The following MORC1 variants were observed in gnomAD, a reference collection of about 807,000 sequenced individuals.
MORC1 encodes MORC family CW-type zinc finger 1, also known as MORC family CW-type zinc finger protein 1.
A neutral mutation model predicts 134.9 loss-of-function variants in MORC1; 59 were observed. That is an observed-to-expected ratio of 0.44 (90% CI 0.35 to 0.54). The LOEUF (loss-of-function observed/expected upper bound fraction) is 0.54. MORC1 is among the 20% of genes least tolerant of loss of function. MORC1 has a pLI of 0.00. For missense variants in MORC1, 947 were observed against 1,134.5 expected (o/e 0.83, Z 2.37); for synonymous variants, 395 against 391.7 (o/e 1.01, Z -0.10).
At chr3:108,989,378 A>G (rs1385425258) in intron 21 of MORC1, among the ~76,000 whole-genome samples, 1 of 152,220 alleles carries the variant, frequency 6.6e-6, no homozygotes, top group Non-Finnish European at 1.5e-5. Flanking sequence ...CTTAACATAG[A>G]GTTTAAGACA....
intron 24 of MORC1, among the ~76,000 whole-genome samples, chr3:108,975,675 ATTGT>A: frequency 6.6e-6 from 1 of 152,136 alleles, no homozygotes; most frequent in African/African-American, 2.4e-5. Context: ...TATTTATAGG[ATTGT>A]TGTAAGATGA....
intron 16 of MORC1, among the ~76,000 whole-genome samples, chr3:109,030,895 T>C (rs1949226757): frequency 2.0e-5 from 3 of 152,194 alleles, no homozygotes; most frequent in African/African-American, 7.2e-5. Flanking sequence ...TACCTCTATT[T>C]ACCCCGATGT....
chr3:108,970,846 G>A (rs1252282188), intron 25 of MORC1, among the ~76,000 whole-genome samples: 1 of 152,218 alleles, frequency 6.6e-6, no homozygotes, highest in Non-Finnish European at 1.5e-5. Flanking sequence ...ACCCCAAGCA[G>A]CTGTTCAAAG....
intron 9 of MORC1, among the ~76,000 whole-genome samples, chr3:109,064,882 C>T (rs1340881684): frequency 6.6e-6 from 1 of 151,992 alleles, no homozygotes; most frequent in Non-Finnish European, 1.5e-5. Context: ...AAGAGAACTC[C>T]AGCCACCATT....
intron 20 of MORC1, among the ~76,000 whole-genome samples, chr3:109,003,829 T>C (rs1377612228): frequency 6.6e-6 from 1 of 152,092 alleles, no homozygotes; most frequent in Non-Finnish European, 1.5e-5. Flanking sequence ...GGACTTGAAA[T>C]ACTTTAAGAG....
intron 20 of MORC1, among the ~76,000 whole-genome samples, chr3:109,003,357 T>C (rs1948454666): frequency 6.6e-6 from 1 of 150,896 alleles, no homozygotes. Flanking sequence ...TGTGTGTATA[T>C]TGCTTCACAT....
intron 14 of MORC1, among the ~76,000 whole-genome samples, chr3:109,040,120 A>AC (rs1374404571): frequency 6.6e-6 from 1 of 151,698 alleles, no homozygotes; most frequent in African/African-American, 2.4e-5. Flanking sequence ...ACAACAAAAA[A>AC]CAGTAAGTCT....
intron 8 of MORC1, among the ~76,000 whole-genome samples, chr3:109,072,664 G>A (rs565853170): frequency 4.0e-4 from 61 of 152,254 alleles, no homozygotes; most frequent in African/African-American, 1.4e-3. Flanking sequence ...AAATAAAGCC[G>A]TCCACTTAGG....
At chr3:109,052,480 C>G (rs748336242) in intron 14 of MORC1, among the ~76,000 whole-genome samples, 1 of 152,094 alleles carries the variant, frequency 6.6e-6, no homozygotes. Flanking sequence ...TATTAGTGCA[C>G]AGAACACACT....
intron 8 of MORC1, among the ~76,000 whole-genome samples, chr3:109,078,368 C>T (rs1176997396): frequency 6.6e-6 from 1 of 151,840 alleles, no homozygotes; most frequent in East Asian, 1.9e-4. Context: ...ACAATTAGAG[C>T]AACAATAAAA....
intron 3 of MORC1, among the ~76,000 whole-genome samples, chr3:109,108,044 A>C (rs144789731): frequency 0.017 from 2,540 of 152,188 alleles, 68 homozygotes; most frequent in African/African-American, 0.057. Context: ...TAAAAATACA[A>C]AACTTAGCCG....
chr3:109,056,424 T>A (rs1391333339), intron 13 of MORC1, among the ~76,000 whole-genome samples: 2 of 152,124 alleles, frequency 1.3e-5, no homozygotes, highest in African/African-American at 4.8e-5. Context: ...AGACGGGGTT[T>A]CACCGTGCTA....
chr3:109,065,787 T>C (rs1950181878), intron 9 of MORC1, among the ~76,000 whole-genome samples: 1 of 152,142 alleles, frequency 6.6e-6, no homozygotes, highest in South Asian at 2.1e-4. Flanking sequence ...AATGGTGGAT[T>C]GGATTTTTTA....
At chr3:109,040,900 T>C (rs1448328145) in intron 14 of MORC1, among the ~76,000 whole-genome samples, 2 of 150,010 alleles carry the variant, frequency 1.3e-5, no homozygotes, top group Non-Finnish European at 3.0e-5. Context: ...GAACAAAATG[T>C]AAATATCATA....
At chr3:108,996,247 C>G (rs1358544799) in intron 21 of MORC1, among the ~76,000 whole-genome samples, 1 of 145,218 alleles carries the variant, frequency 6.9e-6, no homozygotes. Flanking sequence ...TACCACAATA[C>G]ACATGCCTGT....
chr3:108,992,811 A>G (rs1192790577), intron 21 of MORC1, among the ~76,000 whole-genome samples: 2 of 152,090 alleles, frequency 1.3e-5, no homozygotes, highest in East Asian at 3.9e-4. Context: ...TATCTTCCAC[A>G]TAAGCTCACT....
intron 8 of MORC1, among the ~76,000 whole-genome samples, chr3:109,071,011 AG>A (rs1269259421): frequency 6.6e-6 from 1 of 152,174 alleles, no homozygotes; most frequent in Non-Finnish European, 1.5e-5. Context: ...GTAACAAGAT[AG>A]GCTGTCTGTA....
intron 17 of MORC1, among the ~76,000 whole-genome samples, chr3:109,024,328 T>C (rs1363497274): frequency 6.6e-6 from 1 of 152,230 alleles, no homozygotes; most frequent in Non-Finnish European, 1.5e-5. Flanking sequence ...GGATTTCACT[T>C]TCCTCTTTGT....
chr3:109,041,602 AC>A (rs1949552750), intron 14 of MORC1, among the ~76,000 whole-genome samples: 1 of 152,074 alleles, frequency 6.6e-6, no homozygotes, highest in Non-Finnish European at 1.5e-5. Flanking sequence ...TAATCCCAGC[AC>A]TTTCAGAGGC....
Sources: allele counts gnomAD v4.1 joint callset (sites outside exome capture counted in the v4.1 genomes callset), GRCh38; gene constraint gnomAD v4.1.1; transcripts MANE v1.5; gene names NCBI Gene and HGNC (gene_info 2026-07-23, HGNC 2026-07-21).